The following MRPS35 variants were observed in gnomAD, a reference collection of about 807,000 sequenced individuals.
The protein encoded by MRPS35 is small ribosomal subunit protein mS35.
Under a neutral mutation model 32.7 loss-of-function variants are expected in MRPS35, and 29 were observed. The observed-to-expected ratio is 0.89, with a 90% CI of 0.66 to 1.21. The LOEUF is 1.21. Ranked by LOEUF, MRPS35 falls within the 50% of genes most tolerant of loss-of-function variation. The probability of loss-of-function intolerance (pLI) is 0.00; values close to 1 mark genes in which losing one functional copy is unlikely to be tolerated. For synonymous variants in MRPS35, 148 were observed against 139.3 expected, an observed-to-expected ratio of 1.06 and a Z score of -0.44; for missense variants, 373 against 383.8, an observed-to-expected ratio of 0.97 and a Z score of 0.23.
intron 1 of MRPS35, among the ~76,000 whole-genome samples, chr12:27,713,329 T>C (rs1050751293): frequency 1.3e-5 from 2 of 152,216 alleles, no homozygotes; most frequent in African/African-American, 2.4e-5. Context: ...TAGATGTAGA[T>C]ATATAGACAT....
intron 7 of MRPS35, among the ~76,000 whole-genome samples, chr12:27,753,588 A>G (rs573760136): frequency 2.2e-4 from 33 of 152,172 alleles, no homozygotes; most frequent in Non-Finnish European, 4.1e-4. Flanking sequence ...TAGAGGTAGA[A>G]TAGTATTTCT....
intron 1 of MRPS35, among the ~76,000 whole-genome samples, chr12:27,712,033 G>T (rs145399776): frequency 1.0e-3 from 157 of 151,844 alleles, no homozygotes; most frequent in Non-Finnish European, 1.9e-3. Context: ...ATGCTTTGAA[G>T]AAAAATAAAG....
At chr12:27,712,620 G>A (rs548454449) in intron 1 of MRPS35, among the ~76,000 whole-genome samples, 30 of 152,292 alleles carry the variant, frequency 2.0e-4, no homozygotes, top group African/African-American at 5.8e-4. Flanking sequence ...TGGGGCTTGA[G>A]GACAAGTCTC....
chr12:27,726,809 G>C (rs2061902526), intron 5 of MRPS35, among the ~76,000 whole-genome samples: 2 of 152,050 alleles, frequency 1.3e-5, no homozygotes, highest in South Asian at 4.2e-4. Context: ...TCCTTTGCCT[G>C]TTTTTTAATT....
intron 3 of MRPS35, among the ~76,000 whole-genome samples, chr12:27,719,476 C>T (rs2061864330): frequency 6.6e-6 from 1 of 151,992 alleles, no homozygotes; most frequent in African/African-American, 2.4e-5. Context: ...ACCATCCTGG[C>T]TAACAAGGTG....
chr12:27,735,545 C>G lies in MRPS35; in HGVS notation c.621C>G (p.Ile207Met), dbSNP rs576672515. The change falls in exon 6 of 8, where the codon ATC (isoleucine) becomes ATG (methionine). Residue 207 changes from isoleucine (I) to methionine (M), a missense_variant. Coordinates refer to ENST00000081029, the MANE Select transcript of MRPS35 (RefSeq NM_021821.4). ...GCAAGACCACAGATGTGCTTACCAT[C>G]AAAACAGATAGGTAATGGAAAAAAT... ...RYCKTTDVLT[I>M]KTDRCPLRRQ... 3.7e-6 allele frequency: 6 copies of G among 1,608,762 alleles called. No homozygotes were observed. The highest frequency in any genetic ancestry group is 1.7e-4 in the Middle Eastern group (1 of 6,050).
chr12:27,732,688 G>A (rs898590101), intron 5 of MRPS35, among the ~76,000 whole-genome samples: 1 of 152,040 alleles, frequency 6.6e-6, no homozygotes, highest in South Asian at 2.1e-4. Flanking sequence ...AAAAGTTTAG[G>A]ATTAAAAACA....
intron 5 of MRPS35, chr12:27,725,430 G>C (rs1445107212): frequency 6.6e-6 from 1 of 152,656 alleles, no homozygotes; most frequent in Non-Finnish European, 1.5e-5. Flanking sequence ...TTCTTTATTA[G>C]AAAAATATTT....
chr12:27,715,732 G>A (rs985606810), intron 2 of MRPS35, among the ~76,000 whole-genome samples: 2 of 152,146 alleles, frequency 1.3e-5, no homozygotes, highest in African/African-American at 4.8e-5. Flanking sequence ...CCCTACTTTT[G>A]TATGTGGGCC....
At chr12:27,753,831 A>T (rs1328492949) in intron 7 of MRPS35, among the ~76,000 whole-genome samples, 1 of 152,212 alleles carries the variant, frequency 6.6e-6, no homozygotes, top group Non-Finnish European at 1.5e-5. Context: ...ATAAATCTGA[A>T]TTATGCTGTA....
intron 7 of MRPS35, among the ~76,000 whole-genome samples, chr12:27,742,143 C>T (rs1176524030): frequency 1.3e-5 from 2 of 152,078 alleles, no homozygotes; most frequent in East Asian, 1.9e-4. Context: ...ACTAAGAGTT[C>T]GTTTTAAAGG....
intron 6 of MRPS35, among the ~76,000 whole-genome samples, chr12:27,736,358 A>G (rs1185426800): frequency 6.6e-6 from 1 of 152,208 alleles, no homozygotes; most frequent in Non-Finnish European, 1.5e-5. Context: ...TTATTACCAT[A>G]TGGGAGAAAG....
In MRPS35 at chr12:27,716,411, A is replaced by C. The variant is rs369012311; in HGVS notation, c.274A>C (p.Lys92Gln). 1.8e-5 allele frequency: 29 copies of C among 1,614,052 alleles called. No individual in the cohort carries two copies. The highest frequency in any genetic ancestry group is 4.2e-6 in the Non-Finnish European group (5 of 1,180,044). ...PLPVRMGYPV[K>Q]KGVPMAKEGN... Reference sequence around the variant, plus strand: ...TCCTGTTCGAATGGGTTATCCAGTAAAAAAGGGCGTGCCCATGGCAAAGGA... The same window carrying C: ...TCCTGTTCGAATGGGTTATCCAGTACAAAAGGGCGTGCCCATGGCAAAGGA... Residue 92 changes from lysine (K) to glutamine (Q), a missense_variant, in exon 3 of 8, where the codon AAA becomes CAA. By Grantham distance (53) the Lys-to-Gln change is moderately conservative. Coordinates refer to ENST00000081029, the MANE Select transcript of MRPS35 (RefSeq NM_021821.4).
chr12:27,716,406 CA>C lies in MRPS35; in HGVS notation c.270del (p.Val91Ter). On this transcript the variant is annotated frameshift_variant, in exon 3 of 8. Transcript: ENST00000081029. LOFTEE classifies it high-confidence loss of function. ...AVPLPVRMGY[P>X]VKKGVPMAKE... ...CCTCTTCCTGTTCGAATGGGTTATCCAGTAAAAAAGGGCGTGCCCATGGCAA... is the reference window on the plus strand; with the variant it reads ...CCTCTTCCTGTTCGAATGGGTTATCCGTAAAAAAGGGCGTGCCCATGGCAA... The C allele has an allele frequency of 6.2e-7, 1 of 1,614,046 alleles. No homozygotes were observed. Among genetic ancestry groups the C allele is most frequent in the Non-Finnish European group, 8.5e-7 (1 of 1,180,016 alleles).
chr12:27,714,753 AACTACT>A, intron 1 of MRPS35, 21 bp from the exon 2 acceptor site: 1 of 1,575,922 alleles, frequency 6.3e-7, no homozygotes, highest in Non-Finnish European at 8.7e-7. Context: ...AATTCTCTTT[AACTACT>A]GTGTTATCTT....
Position 27,716,383 on chromosome 12 carries a change from T to A in MRPS35, c.246T>A (p.Pro82=). The change falls in exon 3 of 8, where the codon CCT becomes CCA. Residue 82 remains proline, a synonymous_variant. Transcript: ENST00000081029. The part of the protein sequence containing the change: ...VAAPFKPSAV[P]LPVRMGYPVK... Reference sequence around the variant, plus strand: ...CACCATTTAAACCCTCTGCAGTACCTCTTCCTGTTCGAATGGGTTATCCAG... The same window carrying A: ...CACCATTTAAACCCTCTGCAGTACCACTTCCTGTTCGAATGGGTTATCCAG... 1 of 1,614,160 alleles carries A rather than the reference T, an allele frequency of 6.2e-7. No individual in the cohort carries two copies. Among genetic ancestry groups the A allele is most frequent in the Non-Finnish European group, 8.5e-7 (1 of 1,180,020 alleles).
intron 7 of MRPS35, chr12:27,752,961 C>T (rs1439529728): frequency 1.3e-5 from 2 of 152,016 alleles, no homozygotes; most frequent in South Asian, 2.1e-4. Context: ...GCTCTTACCC[C>T]GTTCTCACTA....
At chr12:27,753,385 T>C (rs1407985976) in intron 7 of MRPS35, among the ~76,000 whole-genome samples, 1 of 152,114 alleles carries the variant, frequency 6.6e-6, no homozygotes, top group Non-Finnish European at 1.5e-5. Context: ...TTATTTGTGA[T>C]CGGTGGGGCT....
chr12:27,734,305 C>T (rs12831060), intron 5 of MRPS35, among the ~76,000 whole-genome samples: 1 of 149,406 alleles, frequency 6.7e-6, no homozygotes, highest in African/African-American at 2.5e-5. Context: ...TGCAATGGCG[C>T]GATTTCAGCT....
Sources: allele counts gnomAD v4.1 joint callset (sites outside exome capture counted in the v4.1 genomes callset), GRCh38; gene constraint gnomAD v4.1.1; transcripts MANE v1.5; gene names NCBI Gene and HGNC (gene_info 2026-07-23, HGNC 2026-07-21).